The following ASXL3 variants were observed in gnomAD, a reference collection of about 807,000 sequenced individuals.
ASXL3 encodes the protein putative Polycomb group protein ASXL3.
ASXL3 carries 34 observed loss-of-function variants against 170.6 expected under a neutral mutation model. That is an observed-to-expected ratio of 0.20 (90% CI 0.15 to 0.27). The LOEUF (loss-of-function observed/expected upper bound fraction) is 0.27, where lower values mean the gene tolerates loss of function less well. Ranked by LOEUF, ASXL3 falls within the 10% of genes least tolerant of loss-of-function variation. The pLI is 1.00. For synonymous variants in ASXL3, 1,002 were observed against 989.1 expected (o/e 1.01, Z -0.24); for missense variants, 2,592 against 2,695.3 (o/e 0.96, Z 0.85).
At chr18:33,693,745 T>C (rs1015111744) in intron 8 of ASXL3, among the ~76,000 whole-genome samples, 2 of 152,214 alleles carry the variant, frequency 1.3e-5, no homozygotes, top group East Asian at 1.9e-4. Context: ...TTTATGCATT[T>C]ATCTTGGTAA....
At chr18:33,599,362 T>C (rs988976962) in intron 1 of ASXL3, among the ~76,000 whole-genome samples, 1 of 152,148 alleles carries the variant, frequency 6.6e-6, no homozygotes. Flanking sequence ...TATAATTAAA[T>C]GAATTTGTAG....
At chr18:33,590,395 G>A (rs1419968163) in intron 1 of ASXL3, among the ~76,000 whole-genome samples, 4 of 151,962 alleles carry the variant, frequency 2.6e-5, no homozygotes, top group Non-Finnish European at 5.9e-5. Flanking sequence ...CAGGTATCAC[G>A]ATTGATTGCT....
rs111495112 is a variant in ASXL3 at position 33,714,662 on chromosome 18, C to T, written c.880-17306C>T. On this transcript the variant is annotated intron_variant, in intron 8 of 11. Transcript: ENST00000269197. Reference sequence around the variant, plus strand: ...CGTTTTCCCCAACTCAGCTTTAGACCACCACTCCTTTCTTGAGTTGATGGC... The same window carrying T: ...CGTTTTCCCCAACTCAGCTTTAGACTACCACTCCTTTCTTGAGTTGATGGC... Among the ~76,000 whole-genome samples the T allele has an allele frequency of 2.0e-3, 303 of 152,134 alleles. 1 individual carries two copies. Among genetic ancestry groups the T allele is most frequent in the African/African-American group, 6.8e-3 (283 of 41,498 alleles).
intron 8 of ASXL3, among the ~76,000 whole-genome samples, chr18:33,729,491 T>C (rs891851357): frequency 7.9e-5 from 12 of 152,248 alleles, no homozygotes; most frequent in African/African-American, 2.9e-4. Flanking sequence ...GCCAAGATGA[T>C]ATAAAGTGGA....
At chr18:33,579,296 T>A (rs1292907369) in intron 1 of ASXL3, among the ~76,000 whole-genome samples, 1 of 152,200 alleles carries the variant, frequency 6.6e-6, no homozygotes, top group East Asian at 1.9e-4. Flanking sequence ...TTTGTAGGTA[T>A]TGTGCTCTGC....
At chr18:33,689,098 A>G (rs2066646273) in intron 8 of ASXL3, among the ~76,000 whole-genome samples, 1 of 151,796 alleles carries the variant, frequency 6.6e-6, no homozygotes, top group Admixed American at 6.6e-5. Context: ...GGTTCAAGCG[A>G]TTCTCCTGCC....
chr18:33,719,469 C>T (rs1337085788), intron 8 of ASXL3, among the ~76,000 whole-genome samples: 1 of 151,958 alleles, frequency 6.6e-6, no homozygotes, highest in Non-Finnish European at 1.5e-5. Flanking sequence ...AGCATATAAA[C>T]TTTTTCAGTG....
At chr18:33,665,606 G>A (rs977431031) in intron 5 of ASXL3, among the ~76,000 whole-genome samples, 1 of 152,090 alleles carries the variant, frequency 6.6e-6, no homozygotes, top group Non-Finnish European at 1.5e-5. Context: ...AATAAAGCAG[G>A]CATTACTTGC....
intron 2 of ASXL3, among the ~76,000 whole-genome samples, chr18:33,616,881 G>T (rs1415529971): frequency 6.6e-6 from 1 of 152,118 alleles, no homozygotes; most frequent in South Asian, 2.1e-4. Flanking sequence ...CCATCCTTAG[G>T]ACCTCATTTA....
rs552872196 is a variant in ASXL3 at position 33,715,199 on chromosome 18, G to A, written c.880-16769G>A. On this transcript the variant is annotated intron_variant, in intron 8 of 11. Transcript: ENST00000269197. Reference sequence around the variant, plus strand: ...TGAATATTATGACTAGGTTGTGCATGTGTGGATGTGTTAATTTATCTTGAG... The same window carrying A: ...TGAATATTATGACTAGGTTGTGCATATGTGGATGTGTTAATTTATCTTGAG... Among the ~76,000 whole-genome samples, 3 of 152,290 alleles carry A rather than the reference G, an allele frequency of 2.0e-5. No individual in the cohort carries two copies. The South Asian group carries it at 6.2e-4, about 32-fold the overall frequency.
At chr18:33,726,647 A>G (rs1410699895) in intron 8 of ASXL3, among the ~76,000 whole-genome samples, 1 of 152,202 alleles carries the variant, frequency 6.6e-6, no homozygotes, top group African/African-American at 2.4e-5. Flanking sequence ...TTTTTCCAGC[A>G]TGATTAGTAG....
intron 4 of ASXL3, among the ~76,000 whole-genome samples, chr18:33,649,949 T>C (rs1451677607): frequency 6.6e-6 from 1 of 152,082 alleles, no homozygotes; most frequent in Non-Finnish European, 1.5e-5. Flanking sequence ...AGGCCATGTG[T>C]GCACTCAAGA....
Position 33,744,203 on chromosome 18 carries a change from A to C in ASXL3, c.4355A>C (p.Lys1452Thr). The C allele has an allele frequency of 6.2e-7, 1 of 1,613,948 alleles. No homozygotes were observed. Among genetic ancestry groups the C allele is most frequent in the Non-Finnish European group, 8.5e-7 (1 of 1,179,898 alleles). Residue 1452 changes from lysine to threonine, a missense_variant, in exon 12 of 12, where the codon AAA becomes ACA. Lys to Thr is a moderately conservative substitution (Grantham distance 78, BLOSUM62 -1). Around this residue, in one of 4 missense-constraint regions of ASXL3, gnomAD observed 2,246 missense variants for 2,219.6 expected, o/e 1.01. Coordinates refer to ENST00000269197, the MANE Select transcript of ASXL3 (RefSeq NM_030632.3). ...CGAAACAGGGCAGATAATTCTGGAAAACCTCAGCAACCACCAGGGGGCTTT... is the reference window on the plus strand; with the variant it reads ...CGAAACAGGGCAGATAATTCTGGAACACCTCAGCAACCACCAGGGGGCTTT... Reference protein sequence around the residue: ...GPRNRADNSGKPQQPPGGFAP... With the variant: ...GPRNRADNSGTPQQPPGGFAP...
intron 7 of ASXL3, among the ~76,000 whole-genome samples, chr18:33,674,695 T>A (rs1242654579): frequency 6.6e-6 from 1 of 151,692 alleles, no homozygotes; most frequent in African/African-American, 2.4e-5. Flanking sequence ...CTCGGCCCAC[T>A]GCAAGCTCTG....
chr18:33,725,139 A>G (rs2067327988), intron 8 of ASXL3, among the ~76,000 whole-genome samples: 1 of 152,098 alleles, frequency 6.6e-6, no homozygotes, highest in Admixed American at 6.6e-5. Flanking sequence ...GCAGGGTATA[A>G]GTGGCTCAAT....
intron 7 of ASXL3, among the ~76,000 whole-genome samples, chr18:33,672,866 A>C (rs765857933): frequency 6.6e-6 from 1 of 152,176 alleles, no homozygotes; most frequent in Non-Finnish European, 1.5e-5. Context: ...TAATAAAAAG[A>C]CTTTAAATAG....
At chr18:33,582,573 G>A (rs575372238) in intron 1 of ASXL3, among the ~76,000 whole-genome samples, 1 of 151,954 alleles carries the variant, frequency 6.6e-6, no homozygotes. Context: ...TCTTTGTTTA[G>A]TCTCAGTGAC....
intron 1 of ASXL3, among the ~76,000 whole-genome samples, chr18:33,605,227 C>T (rs2065231981): frequency 6.6e-6 from 1 of 151,994 alleles, no homozygotes; most frequent in South Asian, 2.1e-4. Flanking sequence ...CTGACTGTGG[C>T]TTGCCCCACT....
At chr18:33,666,633 G>A (rs1407646139) in intron 5 of ASXL3, among the ~76,000 whole-genome samples, 1 of 152,074 alleles carries the variant, frequency 6.6e-6, no homozygotes, top group Non-Finnish European at 1.5e-5. Context: ...AAGTAAAGTA[G>A]GAATTTTCTT....
Sources: allele counts gnomAD v4.1 joint callset (sites outside exome capture counted in the v4.1 genomes callset), GRCh38; gene constraint gnomAD v4.1.1; regional missense constraint gnomAD v4.1.1; transcripts MANE v1.5; gene names NCBI Gene and HGNC (gene_info 2026-07-23, HGNC 2026-07-21).